The following CAP2 variants were observed in gnomAD, a reference collection of about 807,000 sequenced individuals.
CAP2 encodes cyclase associated actin cytoskeleton regulatory protein 2, also known as adenylyl cyclase-associated protein 2.
A neutral mutation model predicts 57.7 loss-of-function variants in CAP2; 24 were observed. The ratio of observed to expected loss-of-function variants is 0.42; its 90% CI spans 0.30 to 0.58. The LOEUF is 0.58. CAP2 is among the 20% of genes least tolerant of loss of function. The probability of loss-of-function intolerance (pLI) is 0.22; values close to 1 mark genes in which losing one functional copy is unlikely to be tolerated. For synonymous variants in CAP2, 194 were observed against 207.2 expected, an observed-to-expected ratio of 0.94 and a Z score of 0.55; for missense variants, 501 against 590.3, an observed-to-expected ratio of 0.85 and a Z score of 1.57.
chr6:17,555,530 A>C (rs1346832835), intron 12 of CAP2, among the ~76,000 whole-genome samples: 1 of 151,230 alleles, frequency 6.6e-6, no homozygotes, highest in East Asian at 2.0e-4. Context: ...CCTGGGTCAG[A>C]ATCTGCATTT....
chr6:17,461,718 C>T (rs1246682402), intron 3 of CAP2, among the ~76,000 whole-genome samples: 1 of 151,164 alleles, frequency 6.6e-6, no homozygotes. Flanking sequence ...CAAGGCCAGG[C>T]GTGGTGGCTC....
At chr6:17,466,853 T>C (rs1438297395) in intron 4 of CAP2, among the ~76,000 whole-genome samples, 1 of 152,142 alleles carries the variant, frequency 6.6e-6, no homozygotes, top group Non-Finnish European at 1.5e-5. Flanking sequence ...AAAATCTTAG[T>C]GATGGACAAC....
intron 4 of CAP2, among the ~76,000 whole-genome samples, chr6:17,485,775 A>G (rs1761403623): frequency 6.6e-6 from 1 of 152,222 alleles, no homozygotes; most frequent in Non-Finnish European, 1.5e-5. Flanking sequence ...ATTGTTAGGA[A>G]CGAGAGATGC....
intron 3 of CAP2, among the ~76,000 whole-genome samples, chr6:17,429,855 C>T (rs1402073234): frequency 1.3e-5 from 2 of 152,204 alleles, no homozygotes; most frequent in Non-Finnish European, 2.9e-5. Context: ...TTGAACATGC[C>T]GTTTATTTTT....
At chr6:17,486,116 C>T (rs904875007) in intron 4 of CAP2, among the ~76,000 whole-genome samples, 1 of 147,274 alleles carries the variant, frequency 6.8e-6, no homozygotes. Flanking sequence ...AGGCTGAGGT[C>T]GGAGGACCCC....
In CAP2 at chr6:17,513,783, A is replaced by C. The variant is rs1258536213; in HGVS notation, c.531-66A>C. On this transcript the variant is annotated intron_variant, in intron 6 of 12. Coordinates refer to ENST00000229922, the MANE Select transcript of CAP2 (RefSeq NM_006366.3). This position sits in a 1 kb window ranked among gnomAD's most constrained non-coding sequence, Gnocchi z 4.3. ...AGTCACTAGATAACCATGTGCCCCC[A>C]CAATTTTTTTAAAATTTTATTTTAG... The C allele has an allele frequency of 8.8e-7, 1 of 1,134,890 alleles. No individual in the cohort carries two copies. 70.3% of individuals were successfully genotyped at this position (1,134,890 alleles called of 1,614,324 possible). A position where few individuals can be genotyped will look rare whatever the true frequency, so the allele number is the denominator to read the frequency against.
chr6:17,499,578 G>A (rs939134724), intron 4 of CAP2, among the ~76,000 whole-genome samples: 15 of 151,994 alleles, frequency 9.9e-5, no homozygotes, highest in Non-Finnish European at 1.9e-4. Flanking sequence ...GCTCCGGCAC[G>A]GTGGCTCACG....
chr6:17,446,192 C>CATG (rs1760253270), intron 3 of CAP2, among the ~76,000 whole-genome samples: 1 of 151,966 alleles, frequency 6.6e-6, no homozygotes, highest in Admixed American at 6.6e-5. Context: ...TTTATTTTAC[C>CATG]ATGCTTTTAG....
At chr6:17,527,892 T>C (rs1977299) in intron 7 of CAP2, among the ~76,000 whole-genome samples, 109,614 of 152,182 alleles carry the variant, frequency 0.72, 39,594 homozygotes, top group East Asian at 0.73. Context: ...CGTGAGCCAC[T>C]GTGCCTGGCC....
At chr6:17,529,318 A>G (rs1214323364) in intron 7 of CAP2, among the ~76,000 whole-genome samples, 2 of 152,188 alleles carry the variant, frequency 1.3e-5, no homozygotes, top group African/African-American at 4.8e-5. Context: ...TGCATAAAAT[A>G]GAAAGAAATT....
chr6:17,416,750 G>A (rs1034856154), intron 1 of CAP2, among the ~76,000 whole-genome samples: 1 of 152,148 alleles, frequency 6.6e-6, no homozygotes, highest in Non-Finnish European at 1.5e-5. Context: ...GAATGGAAGA[G>A]GGTAGAACTA....
chr6:17,493,042 A>G (rs1195745851), intron 4 of CAP2, among the ~76,000 whole-genome samples: 1 of 152,180 alleles, frequency 6.6e-6, no homozygotes, highest in African/African-American at 2.4e-5. Context: ...ATATCTGATC[A>G]TTTTCTTCAC....
At chr6:17,409,222 A>G (rs546330922) in intron 1 of CAP2, among the ~76,000 whole-genome samples, 1 of 151,856 alleles carries the variant, frequency 6.6e-6, no homozygotes, top group East Asian at 2.0e-4. Flanking sequence ...AAATACAAAA[A>G]TTCACCAGGT....
chr6:17,415,041 G>A (rs1388791041), intron 1 of CAP2, among the ~76,000 whole-genome samples: 4 of 152,176 alleles, frequency 2.6e-5, no homozygotes, highest in Admixed American at 6.5e-5. Flanking sequence ...TCTTGGCCAC[G>A]TAAATGTCTT....
At chr6:17,506,070 AT>A (rs991798579) in intron 4 of CAP2, among the ~76,000 whole-genome samples, 3 of 150,130 alleles carry the variant, frequency 2.0e-5, no homozygotes, top group East Asian at 2.0e-4. Flanking sequence ...CATTTTTCAC[AT>A]TTTTTTTTGT....
intron 1 of CAP2, among the ~76,000 whole-genome samples, chr6:17,420,454 G>A (rs1457521823): frequency 6.6e-6 from 1 of 152,222 alleles, no homozygotes; most frequent in African/African-American, 2.4e-5. Flanking sequence ...TCTTAGAGGT[G>A]ATGGCCTCTT....
At chr6:17,415,258 G>A (rs1440878647) in intron 1 of CAP2, among the ~76,000 whole-genome samples, 3 of 152,192 alleles carry the variant, frequency 2.0e-5, no homozygotes, top group Non-Finnish European at 2.9e-5. Flanking sequence ...TATCCAAGTA[G>A]CATTATCTCT....
At chr6:17,413,275 A>G (rs968253206) in intron 1 of CAP2, among the ~76,000 whole-genome samples, 2 of 152,236 alleles carry the variant, frequency 1.3e-5, no homozygotes, top group African/African-American at 4.8e-5. Context: ...TGATTACACC[A>G]TCTCAAAAAT....
intron 4 of CAP2, among the ~76,000 whole-genome samples, chr6:17,479,692 A>G (rs1306156373): frequency 1.5e-5 from 2 of 136,740 alleles, no homozygotes; most frequent in Admixed American, 8.5e-5. Context: ...GCTCACTGCC[A>G]GCTCCGCCTG....
Sources: gnomAD v4.1 joint callset for allele counts (sites outside exome capture counted in the v4.1 genomes callset) on GRCh38, gnomAD v4.1.1 for gene constraint, Gnocchi (gnomAD v3.1) non-coding constraint, MANE v1.5 for transcripts, NCBI Gene and HGNC (gene_info 2026-07-23, HGNC 2026-07-21) for gene names.